CNKSR3: variants seen among roughly 807,000 people sequenced by gnomAD.
The protein encoded by CNKSR3 is CNKSR family member 3.
CNKSR3 carries 36 observed loss-of-function variants against 67.7 expected under a neutral mutation model. That is an observed-to-expected ratio of 0.53 (90% CI 0.41 to 0.70). The LOEUF is 0.70. CNKSR3 is among the 30% of genes least tolerant of loss of function. The pLI is 0.00. For synonymous variants in CNKSR3, 281 were observed against 271.4 expected, an observed-to-expected ratio of 1.04 and a Z score of -0.35; for missense variants, 630 against 695.2, an observed-to-expected ratio of 0.91 and a Z score of 1.05.
chr6:154,413,769 A>G lies in CNKSR3; in HGVS notation c.1070+530T>C, dbSNP rs569819192. On this transcript the variant is annotated intron_variant, in intron 10 of 12. Coordinates refer to ENST00000607772, the MANE Select transcript of CNKSR3 (RefSeq NM_173515.4). ...TATATCCTTTTGTTTCTTTTTTGAG[A>G]CAGGGTCTCGCTCTGTCACCCAGGC... Among the ~76,000 whole-genome samples, 8 of 152,032 alleles carry G rather than the reference A, an allele frequency of 5.3e-5. No individual in the cohort carries two copies. The South Asian group carries it at 1.5e-3, about 28-fold the overall frequency.
At chr6:154,448,403 T>C (rs1582869099) in intron 2 of CNKSR3, among the ~76,000 whole-genome samples, 2 of 97,412 alleles carry the variant, frequency 2.1e-5, no homozygotes, top group Non-Finnish European at 4.3e-5. Flanking sequence ...TCCCAGAAAG[T>C]ATAATAAAAG....
intron 1 of CNKSR3, among the ~76,000 whole-genome samples, chr6:154,459,362 T>C (rs537583602): frequency 6.6e-6 from 1 of 151,716 alleles, no homozygotes. Context: ...CCAGCAAAGT[T>C]CTTTCACTTT....
chr6:154,502,933 C>T (rs1004704638), intron 1 of CNKSR3, among the ~76,000 whole-genome samples: 5 of 152,092 alleles, frequency 3.3e-5, no homozygotes, highest in African/African-American at 4.8e-5. Flanking sequence ...GGGACACAGA[C>T]GGGAGGGCCC....
At chr6:154,434,572 A>T (rs888267578) in intron 4 of CNKSR3, among the ~76,000 whole-genome samples, 136 of 152,342 alleles carry the variant, frequency 8.9e-4, no homozygotes, top group Non-Finnish European at 5.9e-5. Flanking sequence ...TAATAATCAG[A>T]CTTTTATTGT....
chr6:154,459,720 C>G (rs187468493), intron 1 of CNKSR3, among the ~76,000 whole-genome samples: 4 of 152,344 alleles, frequency 2.6e-5, no homozygotes, highest in Non-Finnish European at 5.9e-5. Context: ...CGAACAACCA[C>G]ACTTTGAGTT....
chr6:154,435,645 G>A (rs192521843), intron 4 of CNKSR3, among the ~76,000 whole-genome samples: 183 of 152,278 alleles, frequency 1.2e-3, no homozygotes, highest in Middle Eastern at 3.4e-3. Flanking sequence ...TTGTTTTTTG[G>A]CATGAAGGCA....
Position 154,442,087 on chromosome 6 carries a change from C to G in CNKSR3, c.419+1G>C. The G allele has an allele frequency of 6.3e-7, 1 of 1,599,614 alleles. No individual in the cohort carries two copies. Among genetic ancestry groups the G allele is most frequent in the South Asian group, 1.1e-5 (1 of 89,822 alleles). ...CAGTAAAAGGCACATCTCCAACTTA[C>G]CGGTCCAGCCACGCCAGCAGGGCCT... On this transcript the variant is annotated splice_donor_variant, in intron 3 of 12. Transcript: ENST00000607772. LOFTEE classifies it high-confidence loss of function.
intron 5 of CNKSR3, among the ~76,000 whole-genome samples, chr6:154,430,851 G>A (rs1785352760): frequency 6.6e-6 from 1 of 151,520 alleles, no homozygotes; most frequent in South Asian, 2.1e-4. Context: ...AGGCCAGGCA[G>A]AAATCCCCTT....
In CNKSR3 at chr6:154,388,856, G is replaced by A. The variant is rs1460483057; in HGVS notation, c.*17498C>T. The A allele has an allele frequency of 1.3e-5, 2 of 151,832 alleles. No individual in the cohort carries two copies. Among genetic ancestry groups the A allele is most frequent in the South Asian group, 4.2e-4 (2 of 4,814 alleles). 9.4% of individuals were successfully genotyped at this position (151,832 alleles called of 1,614,324 possible). ...GAGAGGTTAATATCCCTATACTCTC[G>A]CAATGTGTCAACTAGCTTCTTTCAT... On this transcript the variant is annotated 3_prime_UTR_variant, in exon 13 of 13. Transcript: ENST00000607772.
At chr6:154,450,368 CTATCTGGT>C in intron 1 of CNKSR3, 110 bp from the exon 2 acceptor site, 1 of 1,134,066 alleles carries the variant, frequency 8.8e-7, no homozygotes, top group Non-Finnish European at 1.3e-6. Flanking sequence ...TATGATGCCA[CTATCTGGT>C]TATCTATGTG....
rs2114669961 is a variant in CNKSR3 at position 154,510,496 on chromosome 6, C to T, written c.-382G>A. 1 of 254,242 alleles carries T rather than the reference C, an allele frequency of 3.9e-6. No individual in the cohort carries two copies. The highest frequency in any genetic ancestry group is 1.2e-4 in the East Asian group (1 of 8,116). The allele number at this position is 254,242 out of a possible 1,614,324, so 15.7% of individuals were successfully genotyped here. On this transcript the variant is annotated 5_prime_UTR_variant, in exon 1 of 13. Coordinates refer to ENST00000607772, the MANE Select transcript of CNKSR3 (RefSeq NM_173515.4). ...CTCGGATCTCTCGAGGCGCGATCGG[C>T]TCTCCCTCGGCCGGTCTTCTCGCCT...
chr6:154,451,414 A>G lies in CNKSR3; in HGVS notation c.53-1156T>C, dbSNP rs541989375. The stretch of plus-strand genomic sequence containing the variant: ...CTCAATCCTAACACAAAGAGTGAAC[A>G]CTCAATTTAACGGGAAAAGTATGTA... On this transcript the variant is annotated intron_variant, in intron 1 of 12. Transcript: ENST00000607772. 1.7e-3 allele frequency among the ~76,000 whole-genome samples: 264 copies of G among 152,344 alleles called. 1 individual carries two copies. The highest frequency in any genetic ancestry group is 6.0e-3 in the African/African-American group (249 of 41,578).
At chr6:154,441,775 T>G (rs1179506494) in intron 3 of CNKSR3, among the ~76,000 whole-genome samples, 1 of 151,578 alleles carries the variant, frequency 6.6e-6, no homozygotes, top group East Asian at 1.9e-4. Flanking sequence ...ACAGTTAACA[T>G]CCCTTCTGAA....
At chr6:154,507,944 G>A (rs964653219) in intron 1 of CNKSR3, among the ~76,000 whole-genome samples, 2 of 151,942 alleles carry the variant, frequency 1.3e-5, no homozygotes, top group African/African-American at 4.9e-5. Context: ...AATCCCAAGA[G>A]GGACAAAAAC....
At chr6:154,406,743 G>A in intron 12 of CNKSR3, 91 bp from the exon 13 acceptor site, 2 of 1,148,354 alleles carry the variant, frequency 1.7e-6, no homozygotes, top group Middle Eastern at 2.6e-4. Flanking sequence ...GTCGAGGTGG[G>A]TGGATCACGA....
chr6:154,394,780 T>A lies in CNKSR3; in HGVS notation c.*11574A>T, dbSNP rs746294532. 7 of 152,294 alleles carry A rather than the reference T, an allele frequency of 4.6e-5. No individual in the cohort carries two copies. The highest frequency in any genetic ancestry group is 3.4e-3 in the Middle Eastern group (1 of 294). The allele number at this position is 152,294 out of a possible 1,614,324, so 9.4% of individuals were successfully genotyped here. On this transcript the variant is annotated 3_prime_UTR_variant, in exon 13 of 13. Coordinates refer to ENST00000607772, the MANE Select transcript of CNKSR3 (RefSeq NM_173515.4). ...GGAAAGCCATCAGATAACTGTCCGA[T>A]TCTGTTCTTAGTCCTCTTGCCAAGT...
chr6:154,453,778 C>A (rs116130275), intron 1 of CNKSR3, among the ~76,000 whole-genome samples: 1 of 152,166 alleles, frequency 6.6e-6, no homozygotes, highest in African/African-American at 2.4e-5. Context: ...GTAAACTGAT[C>A]TAACAGTCTT....
chr6:154,484,677 G>C (rs906319322), intron 1 of CNKSR3, among the ~76,000 whole-genome samples: 1 of 143,440 alleles, frequency 7.0e-6, no homozygotes, highest in Non-Finnish European at 1.5e-5. Flanking sequence ...ACTCCAGCCT[G>C]GGCAACAGAG....
At chr6:154,474,828 G>T (rs2114631590) in intron 1 of CNKSR3, among the ~76,000 whole-genome samples, 1 of 152,312 alleles carries the variant, frequency 6.6e-6, no homozygotes, top group Middle Eastern at 3.4e-3. Flanking sequence ...TGGCACAAAA[G>T]AGAGAGGAGA....
Sources: gnomAD v4.1 joint callset for allele counts (sites outside exome capture counted in the v4.1 genomes callset) on GRCh38, gnomAD v4.1.1 for gene constraint, MANE v1.5 for transcripts, NCBI Gene and HGNC (gene_info 2026-07-23, HGNC 2026-07-21) for gene names.